MCTP2: variants seen among roughly 807,000 people sequenced by gnomAD.
MCTP2 encodes the protein multiple C2 and transmembrane domain containing 2.
MCTP2 carries 132 observed loss-of-function variants against 111.6 expected under a neutral mutation model. That is an observed-to-expected ratio of 1.18 (90% CI 1.03 to 1.37). The LOEUF (loss-of-function observed/expected upper bound fraction) is 1.37. Ranked by LOEUF, MCTP2 falls within the 40% of genes most tolerant of loss-of-function variation. MCTP2 has a pLI of 0.00. For missense variants in MCTP2, 1,183 were observed against 1,067.9 expected, an observed-to-expected ratio of 1.11 and a Z score of -1.50; for synonymous variants, 395 against 387.7, an observed-to-expected ratio of 1.02 and a Z score of -0.22.
intron 1 of MCTP2, among the ~76,000 whole-genome samples, chr15:94,258,927 T>C (rs1250763020): frequency 6.6e-6 from 1 of 152,224 alleles, no homozygotes; most frequent in Non-Finnish European, 1.5e-5. Context: ...ACACCCAATA[T>C]ATAAGTTTAC....
intron 20 of MCTP2, 73 bp downstream of exon 20, chr15:94,458,319 G>A (rs891352503): frequency 2.6e-4 from 239 of 903,430 alleles, no homozygotes; most frequent in Non-Finnish European, 4.2e-4. Flanking sequence ...TAATGGCAGT[G>A]GTGTGCGACA....
chr15:94,355,448 T>C (rs2078564498), intron 8 of MCTP2, among the ~76,000 whole-genome samples: 1 of 152,242 alleles, frequency 6.6e-6, no homozygotes, highest in South Asian at 2.1e-4. Context: ...GCCTTTTTCC[T>C]CCAAGGTATG....
rs114617080 is a variant in MCTP2 at position 94,297,866 on chromosome 15, G to C, written c.-65-335G>C. ...AAGAACAGCTGCTGTTGGTGTTCTC[G>C]TGAATGTCTTTAGCTCCGCTTCCTC... On this transcript the variant is annotated intron_variant, in intron 1 of 22. Coordinates refer to ENST00000357742, the MANE Select transcript of MCTP2 (RefSeq NM_001385001.1). Among the ~76,000 whole-genome samples the C allele has an allele frequency of 6.7e-3, 1,016 of 152,068 alleles. 18 individuals carry two copies. Among genetic ancestry groups the C allele is most frequent in the African/African-American group, 0.023 (970 of 41,464 alleles).
chr15:94,298,787 TCTCTTTCTCC>T (rs2075401380), intron 2 of MCTP2, 57 bp downstream of exon 2: 1 of 1,190,922 alleles, frequency 8.4e-7, no homozygotes, highest in Non-Finnish European at 1.2e-6. Flanking sequence ...TCTCTTTCCC[TCTCTTTCTCC>T]CTCTCTCCCC....
intron 8 of MCTP2, among the ~76,000 whole-genome samples, chr15:94,352,294 T>G (rs1247901269): frequency 2.0e-5 from 3 of 152,218 alleles, no homozygotes; most frequent in African/African-American, 7.2e-5. Flanking sequence ...TTCAAAGCTC[T>G]TTTACAGAAG....
intron 1 of MCTP2, among the ~76,000 whole-genome samples, chr15:94,260,242 A>T (rs1455757): frequency 6.6e-6 from 1 of 151,918 alleles, no homozygotes; most frequent in South Asian, 2.1e-4. Flanking sequence ...CTCAGGATCC[A>T]GTGGGCTTGC....
chr15:94,397,116 T>C (rs2081320536), intron 14 of MCTP2, among the ~76,000 whole-genome samples: 1 of 152,186 alleles, frequency 6.6e-6, no homozygotes, highest in Non-Finnish European at 1.5e-5. Flanking sequence ...CTTTTTACAG[T>C]TTTTAAACTT....
At chr15:94,332,114 C>G (rs1046888718) in intron 4 of MCTP2, among the ~76,000 whole-genome samples, 4 of 152,190 alleles carry the variant, frequency 2.6e-5, no homozygotes, top group Non-Finnish European at 5.9e-5. Flanking sequence ...GAAGTTCCTT[C>G]TTTCTCAGAT....
chr15:94,337,666 G>GGT (rs3068711), intron 4 of MCTP2, among the ~76,000 whole-genome samples: 42,548 of 150,776 alleles, frequency 0.28, 6,378 homozygotes, highest in African/African-American at 0.35. Context: ...GCCCGAACAC[G>GGT]GTGTGTGTGT....
chr15:94,469,109 TATAAAATGCTTAA>T (rs2073680414), intron 20 of MCTP2, among the ~76,000 whole-genome samples: 1 of 152,194 alleles, frequency 6.6e-6, no homozygotes, highest in African/African-American at 2.4e-5. Context: ...GCCTGGCACA[TATAAAATGCTTAA>T]TAACTTTGTG....
At chr15:94,417,028 G>A (rs759895065) in intron 17 of MCTP2, among the ~76,000 whole-genome samples, 9 of 152,140 alleles carry the variant, frequency 5.9e-5, no homozygotes, top group Non-Finnish European at 1.2e-4. Flanking sequence ...TGTTTAGAAG[G>A]GGGCTGCTAT....
intron 12 of MCTP2, among the ~76,000 whole-genome samples, chr15:94,374,874 G>C (rs1261258005): frequency 6.6e-6 from 1 of 152,266 alleles, no homozygotes; most frequent in East Asian, 1.9e-4. Context: ...CTAGCTCGGT[G>C]GGGGAGGATA....
intron 17 of MCTP2, among the ~76,000 whole-genome samples, chr15:94,410,711 A>G (rs2082115141): frequency 6.6e-6 from 1 of 152,218 alleles, no homozygotes; most frequent in African/African-American, 2.4e-5. Flanking sequence ...CTTTGTGCAT[A>G]TCCTTACTGC....
intron 12 of MCTP2, among the ~76,000 whole-genome samples, chr15:94,383,030 G>A (rs1357992848): frequency 6.6e-6 from 1 of 151,768 alleles, no homozygotes; most frequent in Non-Finnish European, 1.5e-5. Flanking sequence ...GAGGAGAGGT[G>A]AGAAGTGAAA....
At chr15:94,471,148 T>G (rs2073893650) in intron 21 of MCTP2, among the ~76,000 whole-genome samples, 1 of 152,226 alleles carries the variant, frequency 6.6e-6, no homozygotes, top group Non-Finnish European at 1.5e-5. Flanking sequence ...GGGTGGGCTC[T>G]GAGTTGATAT....
intron 12 of MCTP2, among the ~76,000 whole-genome samples, chr15:94,371,287 C>T (rs1274328269): frequency 2.0e-5 from 3 of 152,038 alleles, no homozygotes; most frequent in Non-Finnish European, 4.4e-5. Flanking sequence ...GATGATTGCT[C>T]TTAATATTCA....
intron 14 of MCTP2, among the ~76,000 whole-genome samples, chr15:94,393,615 G>T (rs958044488): frequency 1.3e-5 from 2 of 152,044 alleles, no homozygotes; most frequent in Admixed American, 6.6e-5. Context: ...AACAAAAATC[G>T]CCATCAGATA....
At chr15:94,306,569 T>C (rs143551012) in intron 2 of MCTP2, among the ~76,000 whole-genome samples, 1 of 152,264 alleles carries the variant, frequency 6.6e-6, no homozygotes, top group Non-Finnish European at 1.5e-5. Flanking sequence ...AAGGAAGACA[T>C]TTATTTTTCT....
intron 19 of MCTP2, among the ~76,000 whole-genome samples, chr15:94,451,424 C>T (rs548729711): frequency 1.3e-5 from 2 of 152,202 alleles, no homozygotes; most frequent in African/African-American, 4.8e-5. Context: ...CATTTTTTCA[C>T]ATTTGTAACG....
Sources: allele counts gnomAD v4.1 joint callset (sites outside exome capture counted in the v4.1 genomes callset), GRCh38; gene constraint gnomAD v4.1.1; transcripts MANE v1.5; gene names NCBI Gene and HGNC (gene_info 2026-07-23, HGNC 2026-07-21).